COL20A1: variants seen among roughly 807,000 people sequenced by gnomAD.
COL20A1 encodes collagen type XX alpha 1 chain.
Under a neutral mutation model 152.9 loss-of-function variants are expected in COL20A1, and 164 were observed. The observed-to-expected ratio is 1.07, with a 90% CI of 0.94 to 1.22. COL20A1 has a LOEUF of 1.22. Among genes scored for constraint, COL20A1 ranks in the 50% most tolerant of loss-of-function variants. COL20A1 has a pLI of 0.00. For synonymous variants in COL20A1, 864 were observed against 756.0 expected (o/e 1.14, Z -2.34); for missense variants, 1,873 against 1,744.8 (o/e 1.07, Z -1.31).
At position 63,311,590 on chromosome 20, in the gene COL20A1, A is replaced by G; in HGVS notation, c.1540-35A>G. ...GGAGGCAGAGGAGTGGGGCAGAGCG[A>G]GTGGGGGCTGGCCTGGGACGTCATG... is the stretch of plus-strand genomic sequence containing the variant. On this transcript the variant is annotated intron_variant, in intron 12 of 35. Coordinates refer to ENST00000358894, the MANE Select transcript of COL20A1 (RefSeq NM_020882.4). The surrounding 1 kb of genome is among the most constrained non-coding windows in gnomAD (Gnocchi z 4.4). 6.2e-7 allele frequency: 1 copy of G among 1,609,058 alleles called. No homozygotes were observed.
chr20:63,310,473 C>A lies in COL20A1; in HGVS notation c.1356C>A (p.Gly452=). 6.2e-7 allele frequency: 1 copy of A among 1,606,878 alleles called. No individual in the cohort carries two copies. Among genetic ancestry groups the A allele is most frequent in the South Asian group, 1.1e-5 (1 of 89,744 alleles). The part of the protein sequence containing the change: ...YLVSVFPIYE[G]GVGEGLRGLV... ...TCTCCGTGTTCCCCATCTATGAGGG[C>A]GGGGTTGGCGAAGGCCTGCGGGGCC... The change falls in exon 11 of 36, where the codon GGC becomes GGA. Residue 452 remains glycine (G), a synonymous_variant. Coordinates refer to ENST00000358894, the MANE Select transcript of COL20A1 (RefSeq NM_020882.4).
At position 63,313,389 on chromosome 20, in the gene COL20A1, G is replaced by A. The variant is rs76878999; in HGVS notation, c.2209+140G>A. The A allele has an allele frequency of 1.6e-3, 1,527 of 961,378 alleles. 17 individuals carry two copies. The African/African-American group carries it at 0.02, about 13-fold the overall frequency. 59.6% of individuals were successfully genotyped at this position (961,378 alleles called of 1,614,324 possible). ...AGAGCCCTGATCACTGGGCCTGGTC[G>A]TTGGAGTCTGCAGCACTTCCTTGAG... On this transcript the variant is annotated intron_variant, in intron 17 of 35. Coordinates refer to ENST00000358894, the MANE Select transcript of COL20A1 (RefSeq NM_020882.4). This position sits in a 1 kb window ranked among gnomAD's most constrained non-coding sequence, Gnocchi z 5.9.
chr20:63,320,412 C>T (rs1266915964), intron 25 of COL20A1, 44 bp downstream of exon 25: 23 of 1,573,240 alleles, frequency 1.5e-5, no homozygotes, highest in Non-Finnish European at 1.9e-5. Context: ...CAAGTTAGGG[C>T]AAGTGCCCAC....
At chr20:63,308,781 A>G (rs112143598) in intron 8 of COL20A1, 75 bp downstream of exon 8, 15 of 1,303,142 alleles carry the variant, frequency 1.2e-5, no homozygotes, top group African/African-American at 4.4e-5. Context: ...GGGAGCTTGC[A>G]TTGGGCACCT....
Position 63,313,063 on chromosome 20 carries a change from C to A in COL20A1, c.2077-54C>A. ...CAGGGATGCCTCACTGCCCGGCCCC[C>A]CAACCTGAGGACCCCACTGCACCCG... On this transcript the variant is annotated intron_variant, in intron 16 of 35. Coordinates refer to ENST00000358894, the MANE Select transcript of COL20A1 (RefSeq NM_020882.4). This position sits in a 1 kb window ranked among gnomAD's most constrained non-coding sequence, Gnocchi z 5.9. 4 of 1,573,208 alleles carry A rather than the reference C, an allele frequency of 2.5e-6. No homozygotes were observed. The highest frequency in any genetic ancestry group is 3.4e-6 in the Non-Finnish European group (4 of 1,159,430).
chr20:63,311,644 A>G lies in COL20A1; in HGVS notation c.1559A>G (p.Glu520Gly). The change falls in exon 13 of 36, where the codon GAG becomes GGG. Residue 520 changes from glutamate (E) to glycine (G), a missense_variant. Coordinates refer to ENST00000358894, the MANE Select transcript of COL20A1 (RefSeq NM_020882.4). This position sits in a 1 kb window ranked among gnomAD's most constrained non-coding sequence, Gnocchi z 4.4. The part of the protein sequence containing the change: ...EEREVQVGRP[E>G]VLLDGLEPGR... ...CTGCAGGTGCAGGTCGGGCGGCCCG[A>G]GGTGCTGCTGGATGGCCTGGAACCT... 6.2e-7 allele frequency: 1 copy of G among 1,604,870 alleles called. No individual in the cohort carries two copies. Among genetic ancestry groups the G allele is most frequent in the Non-Finnish European group, 8.5e-7 (1 of 1,178,280 alleles).
At chr20:63,310,657 A>T (rs1290066667) in intron 11 of COL20A1, 147 bp downstream of exon 11, 6 of 900,606 alleles carry the variant, frequency 6.7e-6, no homozygotes, top group Non-Finnish European at 9.8e-6. Context: ...TTGCTGTGTG[A>T]CCAAGGCCGA....
rs747199598 is a variant in COL20A1 at position 63,326,783 on chromosome 20, C to T, written c.3488C>T (p.Thr1163Ile). 1 of 1,498,074 alleles carries T rather than the reference C, an allele frequency of 6.7e-7. No individual in the cohort carries two copies. The highest frequency in any genetic ancestry group is 8.8e-7 in the Non-Finnish European group (1 of 1,135,340). The allele number at this position is 1,498,074 out of a possible 1,614,324, so 92.8% of individuals were successfully genotyped here. A position where few individuals can be genotyped will look rare whatever the true frequency, so the allele number is the denominator to read the frequency against. Residue 1163 changes from threonine (T) to isoleucine (I), a missense_variant, in exon 31 of 36, where the codon ACT (threonine) becomes ATT (isoleucine). Transcript: ENST00000358894. Reference sequence around the variant, plus strand: ...CAGGGCATGGCAGGGGCCAGGGGCACTAGTGGAGAGCGAGGACCTCCAGGG... The same window carrying T: ...CAGGGCATGGCAGGGGCCAGGGGCATTAGTGGAGAGCGAGGACCTCCAGGG... ...GFQGMAGARG[T>I]SGERGPPGTV... is the part of the protein sequence containing the mutation.
Position 63,319,562 on chromosome 20 carries a change from A to G in COL20A1, c.2882A>G (p.Glu961Gly). 1.9e-6 allele frequency: 3 copies of G among 1,594,562 alleles called. No individual in the cohort carries two copies. The highest frequency in any genetic ancestry group is 1.7e-6 in the Non-Finnish European group (2 of 1,171,380). Residue 961 changes from glutamate (E) to glycine (G), a missense_variant, in exon 23 of 36, where the codon GAA becomes GGA. Transcript: ENST00000358894. The surrounding 1 kb of genome is among the most constrained non-coding windows in gnomAD (Gnocchi z 4.4). Reference protein sequence around the residue: ...ALQEATFDPQEVRKIFFGSFH... With the variant: ...ALQEATFDPQGVRKIFFGSFH... The stretch of plus-strand genomic sequence containing the variant: ...CAGGAGGCCACCTTCGACCCGCAGG[A>G]AGTGAGGAAGATTTTCTTCGGGAGC...
In COL20A1 at chr20:63,305,309, G is replaced by A; in HGVS notation, c.194-108G>A. The A allele has an allele frequency of 1.1e-6, 1 of 869,878 alleles. No homozygotes were observed. The highest frequency in any genetic ancestry group is 1.6e-6 in the Non-Finnish European group (1 of 619,504). 53.9% of individuals were successfully genotyped at this position (869,878 alleles called of 1,614,324 possible). A position where few individuals can be genotyped will look rare whatever the true frequency, so the allele number is the denominator to read the frequency against. On this transcript the variant is annotated intron_variant, in intron 3 of 35. Transcript: ENST00000358894. This position sits in a 1 kb window ranked among gnomAD's most constrained non-coding sequence, Gnocchi z 4.9. ...CCTTTCTGTCTCTCTGGCTTCAAGG[G>A]GAGCAGCTGGGGTGGGGAGGAGGAG...
chr20:63,301,980 C>T (rs1160163318), intron 3 of COL20A1, among the ~76,000 whole-genome samples: 1 of 152,032 alleles, frequency 6.6e-6, no homozygotes, highest in African/African-American at 2.4e-5. Context: ...GCTTTCTTGT[C>T]TTTGTTTGAA....
rs1383869239 is a variant in COL20A1 at position 63,320,116 on chromosome 20, G to A, written c.2994G>A (p.Glu998=). The A allele has an allele frequency of 1.3e-6, 2 of 1,550,894 alleles. No individual in the cohort carries two copies. The highest frequency in any genetic ancestry group is 4.9e-5 in the East Asian group (2 of 41,024). ...CRKVAERPLG[E]MGSPPAAGFV... Reference sequence around the variant, plus strand: ...AGGTGGCTGAGCGGCCCCTTGGGGAGATGGGCAGCCCACCCGCTGCGGGCT... The same window carrying A: ...AGGTGGCTGAGCGGCCCCTTGGGGAAATGGGCAGCCCACCCGCTGCGGGCT... The change falls in exon 24 of 36, where the codon GAG becomes GAA. Residue 998 remains glutamate, a synonymous_variant. Transcript: ENST00000358894.
At chr20:63,307,012 C>T (rs912185641) in intron 5 of COL20A1, among the ~76,000 whole-genome samples, 15 of 152,344 alleles carry the variant, frequency 9.8e-5, no homozygotes, top group South Asian at 6.2e-4. Flanking sequence ...CTGCTGGCCT[C>T]GTTCAGGCAT....
At position 63,312,021 on chromosome 20, in the gene COL20A1, C is replaced by T; in HGVS notation, c.1769C>T (p.Thr590Ile). The T allele has an allele frequency of 6.2e-7, 1 of 1,602,658 alleles. No individual in the cohort carries two copies. The highest frequency in any genetic ancestry group is 8.5e-7 in the Non-Finnish European group (1 of 1,175,020). The part of the protein sequence containing the change: ...APRPVRLVRV[T>I]YVSSEGGHSG... Reference sequence around the variant, plus strand: ...AGGCCTGTGCGCCTGGTCAGGGTCACCTATGTGTCCAGCGAGGGTGGACAC... The same window carrying T: ...AGGCCTGTGCGCCTGGTCAGGGTCATCTATGTGTCCAGCGAGGGTGGACAC... The change falls in exon 14 of 36, where the codon ACC (threonine) becomes ATC (isoleucine). Residue 590 changes from threonine (T) to isoleucine (I), a missense_variant. Physicochemically the swap from Thr to Ile is moderately conservative, Grantham distance 89. Transcript: ENST00000358894.
At chr20:63,326,621 GGCTGGGGCCAGCCAGGCATCCACC>G (rs2068253517) in intron 30 of COL20A1, 107 bp from the exon 31 acceptor site, 1 of 580,998 alleles carries the variant, frequency 1.7e-6, no homozygotes, top group Non-Finnish European at 2.9e-6. Context: ...GCCTGAAGGA[GGCTGGGGCCAGCCAGGCATCCACC>G]GCCCTTGTCA....
chr20:63,300,082 A>G (rs1207400399), intron 3 of COL20A1, among the ~76,000 whole-genome samples: 3 of 152,098 alleles, frequency 2.0e-5, no homozygotes, highest in African/African-American at 4.8e-5. Context: ...TACCTGGCCT[A>G]TCCCCTTTTA....
intron 35 of COL20A1, among the ~76,000 whole-genome samples, chr20:63,329,972 C>T (rs978100686): frequency 4.6e-5 from 7 of 152,010 alleles, no homozygotes; most frequent in Admixed American, 3.3e-4. Flanking sequence ...CGTGCTGGGG[C>T]GGAGGAGGCC....
At chr20:63,310,620 C>T in intron 11 of COL20A1, 110 bp downstream of exon 11, 1 of 1,230,908 alleles carries the variant, frequency 8.1e-7, no homozygotes, top group Non-Finnish European at 1.1e-6. Flanking sequence ...TGGATCTTAA[C>T]CACCCACAGT....
rs1468114136 is a variant in COL20A1, at chr20:63,332,427, G to A, written c.*1711G>A. The A allele has an allele frequency of 6.6e-6, 1 of 152,312 alleles. No individual in the cohort carries two copies. The highest frequency in any genetic ancestry group is 1.5e-5 in the Non-Finnish European group (1 of 68,088). The allele number at this position is 152,312 out of a possible 1,614,324, so 9.4% of individuals were successfully genotyped here. ...CAGGGCGGGGAATTACATGTCCCCAGCTGAACTGAGAAGGCTCTTTGAGCA... is the reference window on the plus strand; with the variant it reads ...CAGGGCGGGGAATTACATGTCCCCAACTGAACTGAGAAGGCTCTTTGAGCA... On this transcript the variant is annotated 3_prime_UTR_variant, in exon 36 of 36. Coordinates refer to ENST00000358894, the MANE Select transcript of COL20A1 (RefSeq NM_020882.4).
Sources: allele counts gnomAD v4.1 joint callset (sites outside exome capture counted in the v4.1 genomes callset), GRCh38; gene constraint gnomAD v4.1.1; non-coding constraint Gnocchi (gnomAD v3.1); transcripts MANE v1.5; gene names NCBI Gene and HGNC (gene_info 2026-07-23, HGNC 2026-07-21).